HPCAL1: variants seen among roughly 807,000 people sequenced by gnomAD.
HPCAL1 encodes hippocalcin like 1, also known as hippocalcin-like protein 1.
In HPCAL1, 8 loss-of-function variants were observed where a neutral mutation model predicts 17.1. The ratio of observed to expected loss-of-function variants is 0.47; its 90% CI spans 0.27 to 0.84. The LOEUF is 0.84. Ranked by LOEUF, HPCAL1 falls within the 40% of genes least tolerant of loss-of-function variation. The pLI, the probability that HPCAL1 is intolerant of heterozygous loss-of-function variation, is 0.13. For missense variants in HPCAL1, 165 were observed against 271.1 expected (o/e 0.61, Z 2.75); for synonymous variants, 112 against 111.4 (o/e 1.01, Z -0.03).
At chr2:10,389,186 C>T (rs946913009) in intron 1 of HPCAL1, among the ~76,000 whole-genome samples, 10 of 152,122 alleles carry the variant, frequency 6.6e-5, no homozygotes, top group African/African-American at 2.4e-4. Flanking sequence ...AATCATCTGA[C>T]GACCTGGAAA....
Position 10,423,003 on chromosome 2 carries a change from G to A in HPCAL1, c.399G>A (p.Ser133=), listed in dbSNP as rs370800820. Residue 133 remains serine (S), a synonymous_variant, in exon 4 of 5, where the codon TCG becomes TCA. Transcript: ENST00000307845. ...EIVQAIYKMV[S]SVMKMPEDES... ...CGCAGGCCATCTACAAGATGGTGTCGTCTGTGATGAAGATGCCGGAGGATG... is the reference window on the plus strand; with the variant it reads ...CGCAGGCCATCTACAAGATGGTGTCATCTGTGATGAAGATGCCGGAGGATG... 156 of 1,613,410 alleles carry A rather than the reference G, an allele frequency of 9.7e-5. No homozygotes were observed. The highest frequency in any genetic ancestry group is 1.1e-4 in the Non-Finnish European group (130 of 1,179,770).
chr2:10,341,562 G>A (rs1269292696), intron 1 of HPCAL1, among the ~76,000 whole-genome samples: 1 of 152,110 alleles, frequency 6.6e-6, no homozygotes, highest in Non-Finnish European at 1.5e-5. Context: ...TTTGGGGGAA[G>A]AGACGGGGGT....
chr2:10,335,128 C>T (rs1191490175), intron 1 of HPCAL1, among the ~76,000 whole-genome samples: 2 of 152,254 alleles, frequency 1.3e-5, no homozygotes, highest in African/African-American at 4.8e-5. Flanking sequence ...TCCCCACATC[C>T]TGGTCTTCAC....
chr2:10,320,074 G>T (rs957457772), intron 1 of HPCAL1, among the ~76,000 whole-genome samples: 1 of 152,062 alleles, frequency 6.6e-6, no homozygotes. Flanking sequence ...CTTGCTTGGG[G>T]TTGCCTCCTC....
At chr2:10,317,226 T>C (rs1452739746) in intron 1 of HPCAL1, among the ~76,000 whole-genome samples, 1 of 152,198 alleles carries the variant, frequency 6.6e-6, no homozygotes, top group Non-Finnish European at 1.5e-5. Context: ...ATTTCTGACA[T>C]AATTTTGTCC....
chr2:10,333,639 T>G (rs1461881386), intron 1 of HPCAL1, among the ~76,000 whole-genome samples: 1 of 152,228 alleles, frequency 6.6e-6, no homozygotes, highest in Non-Finnish European at 1.5e-5. Context: ...TGATTTGATT[T>G]TTGAAGAAAG....
chr2:10,409,945 C>T (rs999332366), intron 2 of HPCAL1, among the ~76,000 whole-genome samples: 2 of 151,954 alleles, frequency 1.3e-5, no homozygotes, highest in East Asian at 1.9e-4. Context: ...TGCGTGCCAC[C>T]GCACCCAGCT....
At chr2:10,375,475 C>T (rs992607381) in intron 1 of HPCAL1, among the ~76,000 whole-genome samples, 5 of 152,112 alleles carry the variant, frequency 3.3e-5, no homozygotes, top group Admixed American at 2.0e-4. Context: ...GGCATAGGTA[C>T]GACCACCACT....
chr2:10,408,109 AG>A (rs1219520391), intron 2 of HPCAL1, among the ~76,000 whole-genome samples: 1 of 152,212 alleles, frequency 6.6e-6, no homozygotes, highest in Non-Finnish European at 1.5e-5. Context: ...TCGCAGTAGC[AG>A]CTTCTGCAAG....
intron 2 of HPCAL1, among the ~76,000 whole-genome samples, chr2:10,399,508 C>T (rs1264591171): frequency 1.9e-3 from 211 of 111,056 alleles, no homozygotes; most frequent in Admixed American, 3.3e-3. Context: ...ACCATCACCA[C>T]CACCGCCGCC....
intron 1 of HPCAL1, among the ~76,000 whole-genome samples, chr2:10,393,930 T>G (rs1668851578): frequency 6.9e-6 from 1 of 145,648 alleles, no homozygotes; most frequent in African/African-American, 2.6e-5. Flanking sequence ...GCCTGGGCAA[T>G]GCAGTGAGAT....
chr2:10,426,906 C>G lies in HPCAL1; in HGVS notation c.*85C>G. ...CTTGCAAGAGTGGATGCCCCGCAAT[C>G]GTTCCTGCTCTCCCGGGCCCCGGGC... is the stretch of plus-strand genomic sequence containing the variant. On this transcript the variant is annotated 3_prime_UTR_variant, in exon 5 of 5. Transcript: ENST00000307845. The G allele has an allele frequency of 2.3e-6, 3 of 1,285,544 alleles. No homozygotes were observed. Among genetic ancestry groups the G allele is most frequent in the Non-Finnish European group, 3.4e-6 (3 of 890,680 alleles). 79.6% of individuals were successfully genotyped at this position (1,285,544 alleles called of 1,614,324 possible). A position where few individuals can be genotyped will look rare whatever the true frequency, so the allele number is the denominator to read the frequency against.
At chr2:10,345,645 CAG>C (rs936865230) in intron 1 of HPCAL1, among the ~76,000 whole-genome samples, 24 of 151,744 alleles carry the variant, frequency 1.6e-4, no homozygotes, top group African/African-American at 5.6e-4. Context: ...TTTGTAGAGA[CAG>C]GGTCTTGCTA....
intron 1 of HPCAL1, among the ~76,000 whole-genome samples, chr2:10,378,272 A>G (rs1572758117): frequency 8.2e-6 from 1 of 121,516 alleles, no homozygotes; most frequent in African/African-American, 3.3e-5. Context: ...GAGGTGTGGG[A>G]CTCGTTTGCA....
chr2:10,426,550 T>TG, intron 4 of HPCAL1, 174 bp from the exon 5 acceptor site: 1 of 624,312 alleles, frequency 1.6e-6, no homozygotes, highest in East Asian at 2.8e-5. Flanking sequence ...GGAAAAAGGA[T>TG]TTTTTTTCAG....
chr2:10,316,554 G>A (rs946939083), intron 1 of HPCAL1, among the ~76,000 whole-genome samples: 93 of 152,280 alleles, frequency 6.1e-4, no homozygotes, highest in African/African-American at 2.1e-3. Context: ...TTCTTAGGCC[G>A]TTCCTCCCCA....
chr2:10,401,036 G>A (rs11687885), intron 2 of HPCAL1, among the ~76,000 whole-genome samples: 1 of 152,190 alleles, frequency 6.6e-6, no homozygotes, highest in Non-Finnish European at 1.5e-5. Flanking sequence ...GAGGTGGAAG[G>A]AAGGGCGGCT....
chr2:10,409,264 T>G (rs1230640819), intron 2 of HPCAL1, among the ~76,000 whole-genome samples: 1 of 151,724 alleles, frequency 6.6e-6, no homozygotes, highest in Non-Finnish European at 1.5e-5. Flanking sequence ...AGGGGCGGGG[T>G]CTCAGCTCAG....
At chr2:10,336,386 G>T (rs911221971) in intron 1 of HPCAL1, among the ~76,000 whole-genome samples, 1 of 152,164 alleles carries the variant, frequency 6.6e-6, no homozygotes, top group Non-Finnish European at 1.5e-5. Flanking sequence ...AGTTAGCAGC[G>T]TATTGAGAAT....
Sources: gnomAD v4.1 joint callset for allele counts (sites outside exome capture counted in the v4.1 genomes callset) on GRCh38, gnomAD v4.1.1 for gene constraint, MANE v1.5 for transcripts, NCBI Gene and HGNC (gene_info 2026-07-23, HGNC 2026-07-21) for gene names.